MGRN1: variants seen among roughly 807,000 people sequenced by gnomAD.
The protein encoded by MGRN1 is E3 ubiquitin-protein ligase MGRN1.
MGRN1 carries 29 observed loss-of-function variants against 69.2 expected under a neutral mutation model. The ratio of observed to expected loss-of-function variants is 0.42; its 90% CI spans 0.31 to 0.57. The LOEUF (loss-of-function observed/expected upper bound fraction) is 0.57, where lower values mean the gene tolerates loss of function less well. Ranked by LOEUF, MGRN1 falls within the 20% of genes least tolerant of loss-of-function variation. The pLI is 0.15. For missense variants in MGRN1, 998 were observed against 796.2 expected (o/e 1.25, Z -3.05); for synonymous variants, 470 against 344.2 (o/e 1.37, Z -4.04).
intron 9 of MGRN1, 130 bp from the exon 10 acceptor site, chr16:4,673,368 C>T (rs926354120): frequency 5.5e-6 from 7 of 1,269,092 alleles, no homozygotes; most frequent in Non-Finnish European, 3.3e-6. Context: ...TCCCCCTCCC[C>T]TCTGGACTTC....
In MGRN1 at chr16:4,664,712, A is replaced by G. The variant is rs201637313; in HGVS notation, c.565A>G (p.Asn189Asp). 35 of 1,614,070 alleles carry G rather than the reference A, an allele frequency of 2.2e-5. No individual in the cohort carries two copies. In the Admixed American group the frequency reaches 3.7e-4, roughly 17 times the overall value. Residue 189 changes from asparagine (N) to aspartate (D), a missense_variant, in exon 6 of 17, where the codon AAC (asparagine) becomes GAC (aspartate). Transcript: ENST00000262370. ...DFSEWKDDEL[N>D]FDLDRGVFPV... ...TTCTTGGCAACTCTCTCCTCAGCTGAACTTTGACCTGGACCGGGGCGTGTT... is the reference window on the plus strand; with the variant it reads ...TTCTTGGCAACTCTCTCCTCAGCTGGACTTTGACCTGGACCGGGGCGTGTT...
chr16:4,634,803 T>G (rs1178181163), intron 1 of MGRN1: 1 of 152,244 alleles, frequency 6.6e-6, no homozygotes, highest in Non-Finnish European at 1.5e-5. Context: ...GTTTGCTCAG[T>G]CCTTTCATCC....
chr16:4,648,518 C>T (rs1218504094), intron 1 of MGRN1, among the ~76,000 whole-genome samples: 1 of 120,584 alleles, frequency 8.3e-6, no homozygotes, highest in Non-Finnish European at 1.7e-5. Flanking sequence ...GGGGGCTCCT[C>T]CCGGGGCTCT....
intron 1 of MGRN1, among the ~76,000 whole-genome samples, chr16:4,635,801 A>ATTTTTT (rs34343082): frequency 3.2e-5 from 4 of 125,696 alleles, no homozygotes; most frequent in African/African-American, 9.6e-5. Flanking sequence ...CGCCCAGCTA[A>ATTTTTT]TTTTTTTTTT....
chr16:4,638,500 G>A (rs897284712), intron 1 of MGRN1, among the ~76,000 whole-genome samples: 1 of 151,980 alleles, frequency 6.6e-6, no homozygotes, highest in African/African-American at 2.4e-5. Flanking sequence ...AGCCCATGTT[G>A]ACTTCCCCAG....
At chr16:4,647,737 A>T (rs973370796) in intron 1 of MGRN1, among the ~76,000 whole-genome samples, 1 of 152,150 alleles carries the variant, frequency 6.6e-6, no homozygotes, top group Admixed American at 6.5e-5. Flanking sequence ...GTGGTGGGCC[A>T]TAAAATCAGG....
chr16:4,676,666 G>C (rs768388638), intron 10 of MGRN1, among the ~76,000 whole-genome samples: 1 of 152,174 alleles, frequency 6.6e-6, no homozygotes, highest in Non-Finnish European at 1.5e-5. Flanking sequence ...TGGTTTGGTG[G>C]TTTGGTGGTT....
Position 4,680,095 on chromosome 16 carries a change from A to G in MGRN1, c.1129A>G (p.Thr377Ala). The G allele has an allele frequency of 1.9e-6, 3 of 1,613,954 alleles. No individual in the cohort carries two copies. Among genetic ancestry groups the G allele is most frequent in the Non-Finnish European group, 2.5e-6 (3 of 1,179,884 alleles). ...SLASKKPKRE[T>A]NSDSVPPGYE... ...GGCCAGCAAGAAACCTAAAAGGGAA[A>G]CAGTAAGTGTCTGGTCCTCCGGCTA... Residue 377 changes from threonine (T) to alanine (A), a missense_variant and splice_region_variant, in exon 12 of 17, where the codon ACA becomes GCA. Physicochemically the swap from Thr to Ala is moderately conservative, Grantham distance 58 (BLOSUM62 0). Coordinates refer to ENST00000262370, the MANE Select transcript of MGRN1 (RefSeq NM_015246.4).
intron 1 of MGRN1, among the ~76,000 whole-genome samples, chr16:4,643,680 G>A (rs2078211665): frequency 6.6e-6 from 1 of 152,058 alleles, no homozygotes; most frequent in Non-Finnish European, 1.5e-5. Context: ...CAAAAATCTT[G>A]TATTGATCAT....
intron 1 of MGRN1, among the ~76,000 whole-genome samples, chr16:4,629,844 G>A (rs1897905387): frequency 1.3e-5 from 2 of 151,750 alleles, no homozygotes; most frequent in Non-Finnish European, 2.9e-5. Context: ...TCAGGAGTTC[G>A]AGACCAGCCT....
intron 12 of MGRN1, among the ~76,000 whole-genome samples, chr16:4,681,181 C>T (rs572807989): frequency 1.3e-5 from 2 of 152,348 alleles, no homozygotes; most frequent in East Asian, 3.9e-4. Context: ...TCGCCTCTGG[C>T]ATGGCTTTGC....
Position 4,650,477 on chromosome 16 carries a change from G to A in MGRN1, c.201G>A (p.Pro67=), listed in dbSNP as rs368164423. The stretch of plus-strand genomic sequence containing the variant: ...ATCTGAACTTCCTGGGCAGCCGCCC[G>A]GTCCAGGTGGGTCTGGACAGGGCTG... The part of the protein sequence containing the change: ...NMDLNFLGSR[P]VQFPYVTPAP... The change falls in exon 2 of 17, where the codon CCG becomes CCA. Residue 67 remains proline, a synonymous_variant. Coordinates refer to ENST00000262370, the MANE Select transcript of MGRN1 (RefSeq NM_015246.4). 6.3e-5 allele frequency: 101 copies of A among 1,611,740 alleles called. No individual in the cohort carries two copies. The highest frequency in any genetic ancestry group is 3.3e-4 in the African/African-American group (25 of 74,810).
At chr16:4,686,929 C>T in intron 16 of MGRN1, 5 of 985,508 alleles carry the variant, frequency 5.1e-6, no homozygotes, top group Non-Finnish European at 6.0e-6. Flanking sequence ...TGGAGGGAGT[C>T]CGTCCTCGAG....
At chr16:4,643,973 TG>T (rs111880306) in intron 1 of MGRN1, among the ~76,000 whole-genome samples, 16,897 of 151,650 alleles carry the variant, frequency 0.11, 2,189 homozygotes, top group African/African-American at 0.32. Context: ...TAGTTTTTTT[TG>T]TTTGTTTGTT....
Position 4,636,897 on chromosome 16 carries a change from A to T in MGRN1, c.88+11849A>T, listed in dbSNP as rs941634055. Among the ~76,000 whole-genome samples the T allele has an allele frequency of 5.3e-5, 8 of 151,746 alleles. No individual in the cohort carries two copies. In the South Asian group the frequency reaches 1.5e-3, roughly 28 times the overall value. ...CACTTTGGGAGGCCGAGACGGGCAG[A>T]TCACAAGGTCAGGAGATCGAGACCA... On this transcript the variant is annotated intron_variant, in intron 1 of 16. Transcript: ENST00000262370.
In MGRN1 at chr16:4,624,904, C is replaced by G; in HGVS notation, c.-57C>G. 1 of 1,439,952 alleles carries G rather than the reference C, an allele frequency of 6.9e-7. No individual in the cohort carries two copies. Among genetic ancestry groups the G allele is most frequent in the Non-Finnish European group, 9.3e-7 (1 of 1,077,168 alleles). The allele number at this position is 1,439,952 out of a possible 1,614,324, so 89.2% of individuals were successfully genotyped here. A position where few individuals can be genotyped will look rare whatever the true frequency, so the allele number is the denominator to read the frequency against. ...GGGCCATGTCCGCGTGAGGACCCCG[C>G]CGCTGTCGCCGCTCCCGTTCCGGCC... On this transcript the variant is annotated 5_prime_UTR_variant, in exon 1 of 17. Coordinates refer to ENST00000262370, the MANE Select transcript of MGRN1 (RefSeq NM_015246.4).
intron 5 of MGRN1, 163 bp from the exon 6 acceptor site, chr16:4,664,546 C>T (rs979897448): frequency 1.6e-5 from 11 of 676,082 alleles, no homozygotes; most frequent in African/African-American, 1.6e-4. Context: ...AAAAAAGGTG[C>T]CAAGCCTGGC....
intron 8 of MGRN1, 71 bp downstream of exon 8, chr16:4,668,383 TCATA>T (rs2078853388): frequency 1.3e-6 from 2 of 1,513,010 alleles, no homozygotes; most frequent in Admixed American, 1.7e-5. Context: ...ACACGCATAC[TCATA>T]CATAGACACA....
intron 16 of MGRN1, among the ~76,000 whole-genome samples, chr16:4,685,353 TACAGAGGAGGCCCAC>T (rs879306953): frequency 3.3e-5 from 5 of 152,258 alleles, no homozygotes; most frequent in African/African-American, 9.6e-5. Context: ...TTGGGACAGC[TACAGAGGAGGCCCAC>T]ACAGAGGAGG....
Sources: allele counts gnomAD v4.1 joint callset (sites outside exome capture counted in the v4.1 genomes callset), GRCh38; gene constraint gnomAD v4.1.1; transcripts MANE v1.5; gene names NCBI Gene and HGNC (gene_info 2026-07-23, HGNC 2026-07-21).